The following CASK variants were observed in gnomAD, a reference collection of about 807,000 sequenced individuals.
CASK encodes the protein peripheral plasma membrane protein CASK.
Under a neutral mutation model 82.9 loss-of-function variants are expected in CASK, and 4 were observed. That is an observed-to-expected ratio of 0.05 (90% CI 0.02 to 0.11). CASK has a LOEUF of 0.11. Ranked by LOEUF, CASK falls within the 10% of genes least tolerant of loss-of-function variation. The pLI, the probability that CASK is intolerant of heterozygous loss-of-function variation, is 1.00. For missense variants in CASK, 358 were observed against 720.9 expected (o/e 0.50, Z 5.76); for synonymous variants, 259 against 253.5 (o/e 1.02, Z -0.20).
intron 11 of CASK, among the ~76,000 whole-genome samples, chrX:41,611,827 TGCCTGCG>T (rs2066058505): frequency 1.8e-5 from 2 of 110,566 alleles, no homozygotes; most frequent in African/African-American, 6.6e-5. Context: ...GCCTGCCGAG[TGCCTGCG>T]ATTGCAGGCG....
At chrX:41,578,645 G>A in intron 14 of CASK, 117 bp from the exon 15 acceptor site, 1 of 532,075 alleles carries the variant, frequency 1.9e-6, no homozygotes, top group East Asian at 3.7e-5. Context: ...GTGCAGTGCA[G>A]TGGTGAGATC....
intron 3 of CASK, among the ~76,000 whole-genome samples, chrX:41,760,960 T>C (rs367762272): frequency 5.4e-5 from 6 of 111,451 alleles, no homozygotes; most frequent in Non-Finnish European, 9.4e-5. Flanking sequence ...GTCATAACCA[T>C]TGCATCAGTT....
chrX:41,651,548 G>A (rs1013260850), intron 8 of CASK, among the ~76,000 whole-genome samples: 1 of 111,146 alleles, frequency 9.0e-6, no homozygotes, highest in Non-Finnish European at 1.9e-5. Context: ...GCACCACCAC[G>A]CTTGGCTAAT....
chrX:41,606,658 T>C (rs1314994175), intron 12 of CASK, among the ~76,000 whole-genome samples: 3 of 111,167 alleles, frequency 2.7e-5, no homozygotes, highest in Non-Finnish European at 5.7e-5. Flanking sequence ...GGAGCTCATG[T>C]ATGGCACCTG....
At chrX:41,550,219 C>T (rs1447533045) in intron 21 of CASK, among the ~76,000 whole-genome samples, 1 of 111,672 alleles carries the variant, frequency 9.0e-6, no homozygotes. Context: ...TCTGTAATTC[C>T]TCCCTCCCTC....
At chrX:41,601,522 C>T (rs970983553) in intron 12 of CASK, among the ~76,000 whole-genome samples, 1 of 111,549 alleles carries the variant, frequency 9.0e-6, no homozygotes, top group Non-Finnish European at 1.9e-5. Flanking sequence ...GGAGAAAAAA[C>T]CATATTTAGT....
intron 1 of CASK, among the ~76,000 whole-genome samples, chrX:41,917,923 G>C (rs1405535595): frequency 9.0e-6 from 1 of 111,704 alleles, no homozygotes. Flanking sequence ...TTCCTCTGTA[G>C]AAGTACAGCT....
intron 1 of CASK, among the ~76,000 whole-genome samples, chrX:41,868,767 A>C (rs749359604): frequency 8.9e-5 from 10 of 111,769 alleles, no homozygotes; most frequent in Admixed American, 7.5e-4. Flanking sequence ...TCAGCAGTAC[A>C]GGAAATAACA....
intron 21 of CASK, among the ~76,000 whole-genome samples, chrX:41,550,756 A>C (rs745653781): frequency 9.2e-6 from 1 of 108,951 alleles, no homozygotes; most frequent in Non-Finnish European, 1.9e-5. Context: ...AAGAAAAAGA[A>C]AAAAATTAGC....
At chrX:41,554,028 G>C (rs2065131951) in intron 20 of CASK, 113 bp from the exon 21 acceptor site, 1 of 564,447 alleles carries the variant, frequency 1.8e-6, no homozygotes, top group Admixed American at 2.7e-5. Flanking sequence ...ATCAGATGGT[G>C]AAAGCAAAAA....
intron 11 of CASK, among the ~76,000 whole-genome samples, chrX:41,614,545 A>G (rs1340308885): frequency 2.9e-5 from 3 of 103,974 alleles, no homozygotes; most frequent in South Asian, 8.7e-4. Flanking sequence ...TTTTTGAGAT[A>G]GAGTCTCGTT....
chrX:41,595,523 T>C (rs1269670583), intron 12 of CASK, among the ~76,000 whole-genome samples: 1 of 111,815 alleles, frequency 8.9e-6, no homozygotes, highest in African/African-American at 3.3e-5. Flanking sequence ...GAGGGTTCCC[T>C]GAGCCCAGGA....
At chrX:41,620,289 A>G (rs2147314466) in intron 11 of CASK, among the ~76,000 whole-genome samples, 1 of 112,218 alleles carries the variant, frequency 8.9e-6, no homozygotes, top group African/African-American at 3.2e-5. Context: ...ATTAAATCCC[A>G]TTCCTGCTTC....
At chrX:41,709,816 TATTCA>T (rs1478616318) in intron 5 of CASK, among the ~76,000 whole-genome samples, 2 of 111,499 alleles carry the variant, frequency 1.8e-5, no homozygotes, top group Non-Finnish European at 3.8e-5. Context: ...AGACATGAGA[TATTCA>T]ATTCTTCTTT....
chrX:41,745,658 C>G (rs1011818179), intron 3 of CASK, 57 bp from the exon 4 acceptor site: 11 of 789,524 alleles, frequency 1.4e-5, no homozygotes, highest in Non-Finnish European at 1.9e-5. Flanking sequence ...GAAGACAACA[C>G]TGAAAGTGAA....
intron 25 of CASK, among the ~76,000 whole-genome samples, chrX:41,526,015 A>G (rs780221648): frequency 8.9e-6 from 1 of 112,440 alleles, no homozygotes; most frequent in African/African-American, 3.2e-5. Context: ...GAAAGAGGTA[A>G]CTGGCAATTT....
intron 1 of CASK, among the ~76,000 whole-genome samples, chrX:41,900,025 T>C (rs1313419035): frequency 9.1e-6 from 1 of 109,548 alleles, no homozygotes; most frequent in Middle Eastern, 4.3e-3. Flanking sequence ...ATATAATACA[T>C]GGTTGGCAGG....
chrX:41,856,794 T>TAAA (rs1423213565), intron 1 of CASK, among the ~76,000 whole-genome samples: 1 of 54,310 alleles, frequency 1.8e-5, no homozygotes, highest in African/African-American at 7.0e-5. Flanking sequence ...AGACTCCGTC[T>TAAA]CAAAAAAAAA....
chrX:41,900,380 T>C (rs1004919127), intron 1 of CASK, among the ~76,000 whole-genome samples: 1 of 111,284 alleles, frequency 9.0e-6, no homozygotes, highest in Non-Finnish European at 1.9e-5. Flanking sequence ...AAATCTCATA[T>C]GCATTTATTG....
Sources: allele counts gnomAD v4.1 joint callset (sites outside exome capture counted in the v4.1 genomes callset), GRCh38; gene constraint gnomAD v4.1.1; transcripts MANE v1.5; gene names NCBI Gene and HGNC (gene_info 2026-07-23, HGNC 2026-07-21).